The following TMEM202 variants were observed in gnomAD, a reference collection of about 807,000 sequenced individuals.
TMEM202 encodes transmembrane protein 202.
Under a neutral mutation model 26.1 loss-of-function variants are expected in TMEM202, and 25 were observed. That is an observed-to-expected ratio of 0.96 (90% confidence interval 0.70 to 1.34). The LOEUF (loss-of-function observed/expected upper bound fraction) is 1.34, where lower values mean the gene tolerates loss of function less well. Among genes scored for constraint, TMEM202 ranks in the 40% most tolerant of loss-of-function variants. The pLI is 0.00. For synonymous variants in TMEM202, 122 were observed against 119.0 expected, an observed-to-expected ratio of 1.02 and a Z score of -0.16; for missense variants, 301 against 327.7, an observed-to-expected ratio of 0.92 and a Z score of 0.63.
chr15:72,407,018 G>T, intron 3 of TMEM202, 68 bp from the exon 4 acceptor site: 1 of 1,590,302 alleles, frequency 6.3e-7, no homozygotes, highest in Non-Finnish European at 8.5e-7. Context: ...AGGCCAAAGA[G>T]CTGGGGGTGG....
intron 2 of TMEM202, among the ~76,000 whole-genome samples, chr15:72,404,194 G>C (rs1169786585): frequency 3.9e-5 from 6 of 152,076 alleles, no homozygotes; most frequent in Admixed American, 6.6e-5. Context: ...TGGGCAGATC[G>C]CTTGAGCTCA....
At chr15:72,406,502 C>T (rs2063572140) in intron 2 of TMEM202, 100 bp from the exon 3 acceptor site, 1 of 939,626 alleles carries the variant, frequency 1.1e-6, no homozygotes, top group Non-Finnish European at 1.6e-6. Flanking sequence ...GCTCCATCAT[C>T]CTTTGTTCTT....
At position 72,407,236 on chromosome 15, in the gene TMEM202, C is replaced by G. The variant is rs200127679; in HGVS notation, c.619+19C>G. 2 of 1,612,238 alleles carry G rather than the reference C, an allele frequency of 1.2e-6. No individual in the cohort carries two copies. ...TTTGCTGGTGAGTCACTTCCCTGCTCTATGCTAGAAGGATGGATAGGGAAA... is the reference window on the plus strand; with the variant it reads ...TTTGCTGGTGAGTCACTTCCCTGCTGTATGCTAGAAGGATGGATAGGGAAA... On this transcript the variant is annotated intron_variant, in intron 4 of 4. Coordinates refer to ENST00000341689, the MANE Select transcript of TMEM202 (RefSeq NM_001080462.3).
Position 72,398,736 on chromosome 15 carries a change from C to T in TMEM202, c.165C>T (p.Tyr55=), listed in dbSNP as rs767828195. 6.2e-7 allele frequency: 1 copy of T among 1,614,216 alleles called. No individual in the cohort carries two copies. The highest frequency in any genetic ancestry group is 1.1e-5 in the South Asian group (1 of 91,084). ...AGCTTATGGATCAGGCACACATCTA[C>T]ATCCGAACGCTCTGTGGCAGCCTCT... ...QQQLMDQAHI[Y]IRTLCGSLCS... is the part of the protein sequence containing the mutation. Residue 55 remains tyrosine, a synonymous_variant, in exon 2 of 5, where the codon TAC becomes TAT. Coordinates refer to ENST00000341689, the MANE Select transcript of TMEM202 (RefSeq NM_001080462.3).
chr15:72,399,276 A>G (rs556242771), intron 2 of TMEM202, among the ~76,000 whole-genome samples: 91 of 152,210 alleles, frequency 6.0e-4, no homozygotes, highest in Non-Finnish European at 1.1e-3. Context: ...AGGTGGAACT[A>G]CAGATGTGTG....
Position 72,398,741 on chromosome 15 carries a change from G to C in TMEM202, c.170G>C (p.Arg57Pro), listed in dbSNP as rs200553858. Residue 57 changes from arginine (R) to proline (P), a missense_variant, in exon 2 of 5, where the codon CGA (arginine) becomes CCA (proline). By Grantham distance (103) the Arg-to-Pro change is moderately radical. Coordinates refer to ENST00000341689, the MANE Select transcript of TMEM202 (RefSeq NM_001080462.3). The part of the protein sequence containing the change: ...QLMDQAHIYI[R>P]TLCGSLCSFS... The stretch of plus-strand genomic sequence containing the variant: ...ATGGATCAGGCACACATCTACATCC[G>C]AACGCTCTGTGGCAGCCTCTGTAGT... 1.2e-6 allele frequency: 2 copies of C among 1,614,138 alleles called. No individual in the cohort carries two copies. Among genetic ancestry groups the C allele is most frequent in the Non-Finnish European group, 1.7e-6 (2 of 1,180,030 alleles).
At chr15:72,407,334 T>G in intron 4 of TMEM202, 117 bp downstream of exon 4, 1 of 1,239,758 alleles carries the variant, frequency 8.1e-7, no homozygotes, top group Non-Finnish European at 1.1e-6. Flanking sequence ...ACACTGATAC[T>G]TGGAGAGTCA....
rs780086937 is a variant in TMEM202 at position 72,398,788 on chromosome 15, G to T, written c.217G>T (p.Ala73Ser). The T allele has an allele frequency of 2.5e-6, 4 of 1,613,988 alleles. No individual in the cohort carries two copies. Among genetic ancestry groups the T allele is most frequent in the South Asian group, 1.1e-5 (1 of 91,080 alleles). ...LCSFSLLMLI[A>S]MSPLNWVQFL... ...TAGTTTTAGCCTCCTAATGCTGATC[G>T]CCATGTCCCCACTGAACTGGGTACA... The change falls in exon 2 of 5, where the codon GCC (alanine) becomes TCC (serine). Residue 73 changes from alanine to serine, a missense_variant. Ala to Ser is a moderately conservative substitution (Grantham distance 99). Coordinates refer to ENST00000341689, the MANE Select transcript of TMEM202 (RefSeq NM_001080462.3).
chr15:72,404,846 T>C (rs1199734890), intron 2 of TMEM202, among the ~76,000 whole-genome samples: 1 of 152,182 alleles, frequency 6.6e-6, no homozygotes, highest in African/African-American at 2.4e-5. Context: ...TGGAGGATTG[T>C]GGACTAAATA....
At chr15:72,403,542 G>A (rs768238632) in intron 2 of TMEM202, among the ~76,000 whole-genome samples, 7 of 152,064 alleles carry the variant, frequency 4.6e-5, no homozygotes, top group Admixed American at 1.3e-4. Context: ...TCCTTTTTCC[G>A]GACCAAGGCT....
intron 2 of TMEM202, among the ~76,000 whole-genome samples, chr15:72,403,559 A>G (rs907743609): frequency 1.1e-4 from 16 of 152,188 alleles, no homozygotes; most frequent in African/African-American, 3.9e-4. Flanking sequence ...GGCTTCTTAC[A>G]GAAACATACA....
At chr15:72,400,706 T>C (rs961594685) in intron 2 of TMEM202, among the ~76,000 whole-genome samples, 11 of 152,194 alleles carry the variant, frequency 7.2e-5, no homozygotes, top group South Asian at 4.1e-4. Flanking sequence ...AGAGGGTTCT[T>C]GGATCTTGGG....
In TMEM202 at chr15:72,407,688, T is replaced by C. The variant is rs1339830904; in HGVS notation, c.620-3T>C. The C allele has an allele frequency of 1.2e-6, 2 of 1,613,562 alleles. No homozygotes were observed. Among genetic ancestry groups the C allele is most frequent in the Non-Finnish European group, 1.7e-6 (2 of 1,179,574 alleles). ...CTCACCTCAAATTATTCCCTTCCCG[T>C]AGGGATCATCTCTCTTCTCAACTAC... is the stretch of plus-strand genomic sequence containing the variant. On this transcript the variant is annotated splice_polypyrimidine_tract_variant and splice_region_variant and intron_variant, in intron 4 of 4. Transcript: ENST00000341689.
chr15:72,401,424 A>G (rs1197265363), intron 2 of TMEM202, among the ~76,000 whole-genome samples: 1 of 152,134 alleles, frequency 6.6e-6, no homozygotes, highest in African/African-American at 2.4e-5. Flanking sequence ...GGCACCTGCA[A>G]TCCCAGTTAC....
chr15:72,399,749 C>T (rs914188299), intron 2 of TMEM202, among the ~76,000 whole-genome samples: 1 of 152,060 alleles, frequency 6.6e-6, no homozygotes, highest in African/African-American at 2.4e-5. Context: ...GTTTTTGGGG[C>T]TAAAAATAAC....
intron 2 of TMEM202, among the ~76,000 whole-genome samples, chr15:72,402,695 A>C (rs2063553319): frequency 6.6e-6 from 1 of 152,192 alleles, no homozygotes; most frequent in South Asian, 2.1e-4. Context: ...ACTGTTTTGC[A>C]GAGCGTGGGA....
intron 2 of TMEM202, among the ~76,000 whole-genome samples, chr15:72,406,183 T>C (rs543181198): frequency 6.5e-4 from 99 of 152,184 alleles, no homozygotes; most frequent in Non-Finnish European, 1.3e-3. Context: ...ATCTACTATG[T>C]ACAGAGGGTA....
In TMEM202 at chr15:72,408,293, T is replaced by G. The variant is rs1432355067; in HGVS notation, c.*400T>G. Among the ~76,000 whole-genome samples the G allele has an allele frequency of 2.0e-5, 3 of 152,102 alleles. No individual in the cohort carries two copies. Among genetic ancestry groups the G allele is most frequent in the African/African-American group, 4.8e-5 (2 of 41,410 alleles). ...TGGGTATACTCAGGATGGAAAGCAC[T>G]TGGACAAATACTGTTGAATCTGAAC... is the stretch of plus-strand genomic sequence containing the variant. On this transcript the variant is annotated 3_prime_UTR_variant, in exon 5 of 5. Coordinates refer to ENST00000341689, the MANE Select transcript of TMEM202 (RefSeq NM_001080462.3).
chr15:72,405,066 C>T (rs1733924685), intron 2 of TMEM202, among the ~76,000 whole-genome samples: 1 of 152,132 alleles, frequency 6.6e-6, no homozygotes, highest in Non-Finnish European at 1.5e-5. Context: ...ATGGAAATTC[C>T]TGCAATTCAT....
Sources: gnomAD v4.1 joint callset for allele counts (sites outside exome capture counted in the v4.1 genomes callset) on GRCh38, gnomAD v4.1.1 for gene constraint, MANE v1.5 for transcripts, NCBI Gene and HGNC (gene_info 2026-07-23, HGNC 2026-07-21) for gene names.